The following SYT14 variants were observed in gnomAD, a reference collection of about 807,000 sequenced individuals.
SYT14 encodes the protein synaptotagmin 14, also known as synaptotagmin-14.
SYT14 carries 32 observed loss-of-function variants against 74.2 expected under a neutral mutation model. That is an observed-to-expected ratio of 0.43 (90% CI 0.33 to 0.58). The LOEUF (loss-of-function observed/expected upper bound fraction) is 0.58, where lower values mean the gene tolerates loss of function less well. Ranked by LOEUF, SYT14 falls within the 20% of genes least tolerant of loss-of-function variation. The pLI, the probability that SYT14 is intolerant of heterozygous loss-of-function variation, is 0.05. For synonymous variants in SYT14, 298 were observed against 337.7 expected, an observed-to-expected ratio of 0.88 and a Z score of 1.29; for missense variants, 791 against 981.8, an observed-to-expected ratio of 0.81 and a Z score of 2.60.
rs140344553 is a variant in SYT14 at position 209,965,013 on chromosome 1, A to G, written c.-486+12257A>G. Among the ~76,000 whole-genome samples, 646 of 152,254 alleles carry G rather than the reference A, an allele frequency of 4.2e-3. 9 individuals carry two copies. The highest frequency in any genetic ancestry group is 4.1e-3 in the Non-Finnish European group (280 of 68,022). ...TAAGGATAGCAGTCTCAGGTCTGCT[A>G]TGTTCACTTTTTTTCTGTACAGAAG... On this transcript the variant is annotated intron_variant, in intron 2 of 9. Coordinates refer to ENST00000637265, the Ensembl canonical transcript of SYT14.
chr1:209,977,509 T>G (rs1387607421), intron 2 of SYT14, among the ~76,000 whole-genome samples: 1 of 151,720 alleles, frequency 6.6e-6, no homozygotes, highest in Non-Finnish European at 1.5e-5. Context: ...AAAATTCTTT[T>G]CTTTAAGAAT....
At chr1:210,129,901 G>T (rs573566384) in intron 7 of SYT14, among the ~76,000 whole-genome samples, 1 of 152,278 alleles carries the variant, frequency 6.6e-6, no homozygotes, top group South Asian at 2.1e-4. Flanking sequence ...CTGAGTATCT[G>T]TATCTTGTAA....
At chr1:210,041,311 T>C (rs2080783896) in intron 5 of SYT14, among the ~76,000 whole-genome samples, 1 of 152,160 alleles carries the variant, frequency 6.6e-6, no homozygotes, top group Admixed American at 6.5e-5. Flanking sequence ...GGACTTATGG[T>C]GGCTACTTGC....
At chr1:210,018,320 G>C (rs2080230253) in intron 4 of SYT14, among the ~76,000 whole-genome samples, 1 of 152,042 alleles carries the variant, frequency 6.6e-6, no homozygotes, top group Admixed American at 6.5e-5. Context: ...TTTTCATAAA[G>C]ATAGGGTTTC....
chr1:209,959,860 C>T (rs1036855413), intron 2 of SYT14, among the ~76,000 whole-genome samples: 2 of 152,096 alleles, frequency 1.3e-5, no homozygotes, highest in Non-Finnish European at 2.9e-5. Context: ...TTGCACAACT[C>T]TATGAATATA....
At chr1:210,165,911 C>T (rs533588246) in exon 10 of SYT14, 2 of 152,242 alleles carry the variant, frequency 1.3e-5, no homozygotes, top group South Asian at 4.2e-4. Flanking sequence ...TTTAAGAGTA[C>T]TAGATATGTG....
chr1:210,065,901 G>A (rs1199419786), intron 5 of SYT14, among the ~76,000 whole-genome samples: 3 of 132,872 alleles, frequency 2.3e-5, no homozygotes, highest in Non-Finnish European at 3.2e-5. Flanking sequence ...AACAGTCCCC[G>A]GTGTGTGATG....
chr1:209,974,575 C>T (rs2079321423), intron 2 of SYT14, among the ~76,000 whole-genome samples: 1 of 152,124 alleles, frequency 6.6e-6, no homozygotes, highest in Non-Finnish European at 1.5e-5. Context: ...GTCTATATCT[C>T]TGTTGTGGTA....
At chr1:210,130,566 G>T (rs1413697) in intron 7 of SYT14, among the ~76,000 whole-genome samples, 1 of 152,128 alleles carries the variant, frequency 6.6e-6, no homozygotes, top group East Asian at 1.9e-4. Flanking sequence ...ATGCCAAGTG[G>T]CCCATTAATT....
intron 2 of SYT14, among the ~76,000 whole-genome samples, chr1:209,995,724 C>T (rs1333420009): frequency 2.0e-5 from 3 of 152,064 alleles, no homozygotes; most frequent in Non-Finnish European, 4.4e-5. Flanking sequence ...GAGCCAGCAC[C>T]TGCTCAGTCA....
chr1:209,994,345 A>G (rs1319134647), intron 2 of SYT14, among the ~76,000 whole-genome samples: 1 of 152,208 alleles, frequency 6.6e-6, no homozygotes, highest in African/African-American at 2.4e-5. Context: ...ATTTTATAAT[A>G]CAATCAGAAG....
intron 7 of SYT14, among the ~76,000 whole-genome samples, chr1:210,124,674 A>G (rs1441681165): frequency 1.3e-5 from 2 of 152,236 alleles, no homozygotes; most frequent in African/African-American, 4.8e-5. Context: ...GATTTTCACT[A>G]TATGAAGTGT....
chr1:210,002,338 A>G (rs2079916669), intron 2 of SYT14, among the ~76,000 whole-genome samples: 1 of 151,822 alleles, frequency 6.6e-6, no homozygotes, highest in South Asian at 2.1e-4. Flanking sequence ...TTTACCACCT[A>G]AGTACACATC....
At chr1:209,976,458 T>C (rs1189312086) in intron 2 of SYT14, among the ~76,000 whole-genome samples, 1 of 152,166 alleles carries the variant, frequency 6.6e-6, no homozygotes, top group Non-Finnish European at 1.5e-5. Flanking sequence ...CATTTCGTTA[T>C]GTACCCAGTA....
At chr1:209,999,889 T>C (rs12750599) in intron 2 of SYT14, among the ~76,000 whole-genome samples, 34,342 of 152,006 alleles carry the variant, frequency 0.23, 4,161 homozygotes, top group Middle Eastern at 0.29. Context: ...TTTCAAAATC[T>C]AGAAGAGAGG....
chr1:210,049,895 C>CCCA (rs1254278432), intron 5 of SYT14, among the ~76,000 whole-genome samples: 1 of 152,128 alleles, frequency 6.6e-6, no homozygotes, highest in Non-Finnish European at 1.5e-5. Flanking sequence ...CTGGGCCTGG[C>CCCA]CCACAAAACC....
chr1:210,053,507 A>T (rs917570819), intron 5 of SYT14, among the ~76,000 whole-genome samples: 3 of 152,212 alleles, frequency 2.0e-5, no homozygotes, highest in Non-Finnish European at 4.4e-5. Context: ...TAGGAAGATA[A>T]CCCTATTAAG....
At chr1:210,136,540 T>G (rs2082789990) in intron 7 of SYT14, among the ~76,000 whole-genome samples, 1 of 152,182 alleles carries the variant, frequency 6.6e-6, no homozygotes, top group Non-Finnish European at 1.5e-5. Context: ...TCTTCCAAGG[T>G]TAGCGTTTTG....
At chr1:209,990,106 G>A (rs2079639010) in intron 2 of SYT14, among the ~76,000 whole-genome samples, 1 of 152,042 alleles carries the variant, frequency 6.6e-6, no homozygotes. Flanking sequence ...GACCCAATAT[G>A]TAGTTATAAA....
Sources: gnomAD v4.1 joint callset for allele counts (sites outside exome capture counted in the v4.1 genomes callset) on GRCh38, gnomAD v4.1.1 for gene constraint, MANE v1.5 for transcripts, NCBI Gene and HGNC (gene_info 2026-07-23, HGNC 2026-07-21) for gene names.